The following NUP210L variants were observed in gnomAD, a reference collection of about 807,000 sequenced individuals.
The protein encoded by NUP210L is nucleoporin 210 like, also known as nuclear pore membrane glycoprotein 210-like.
A neutral mutation model predicts 208.5 loss-of-function variants in NUP210L; 74 were observed. That is an observed-to-expected ratio of 0.35 (90% CI 0.29 to 0.43). NUP210L has a LOEUF of 0.43. Ranked by LOEUF, NUP210L falls within the 20% of genes least tolerant of loss-of-function variation. NUP210L has a pLI of 1.00. For missense variants in NUP210L, 1,843 were observed against 2,289.4 expected (o/e 0.81, Z 3.98); for synonymous variants, 780 against 816.9 (o/e 0.95, Z 0.77).
At chr1:154,035,829 G>C (rs763245480) in intron 27 of NUP210L, among the ~76,000 whole-genome samples, 52 of 151,996 alleles carry the variant, frequency 3.4e-4, no homozygotes, top group Non-Finnish European at 5.3e-4. Flanking sequence ...CGCCTTTCAA[G>C]TTCAAGCAAT....
exon 32 of NUP210L, chr1:154,022,244 T>A: frequency 1.9e-6 from 3 of 1,614,142 alleles, no homozygotes; most frequent in Non-Finnish European, 2.5e-6. Flanking sequence ...TGCCTGGATG[T>A]CTCCGGTCCC....
chr1:154,110,521 C>G (rs1557983348), intron 12 of NUP210L, among the ~76,000 whole-genome samples: 1 of 151,306 alleles, frequency 6.6e-6, no homozygotes, highest in Non-Finnish European at 1.5e-5. Flanking sequence ...CCACCTGCCT[C>G]GGCCTCCCAA....
At position 154,136,919 on chromosome 1, in the gene NUP210L, C is replaced by CAAAA. The variant is rs11374907; in HGVS notation, c.851-951_851-948dup. On this transcript the variant is annotated intron_variant, in intron 6 of 39. Coordinates refer to ENST00000368559, the Ensembl canonical transcript of NUP210L. The stretch of plus-strand genomic sequence containing the variant: ...TGGGCGACAGAGTGAGAATCCATCT[C>CAAAA]AAAAAAAAAAAAAAAAAAAAAGCTC... 6.8e-3 allele frequency among the ~76,000 whole-genome samples: 425 copies of CAAAA among 62,390 alleles called. 23 individuals carry two copies. Among genetic ancestry groups the CAAAA allele is most frequent in the East Asian group, 0.062 (85 of 1,360 alleles). 40.9% of individuals were successfully genotyped at this position (62,390 alleles called of 152,430 possible).
At chr1:154,071,526 G>C (rs1465514442) in intron 16 of NUP210L, among the ~76,000 whole-genome samples, 1 of 147,708 alleles carries the variant, frequency 6.8e-6, no homozygotes. Flanking sequence ...CTACTTATGA[G>C]TAAGAGCACA....
chr1:154,136,212 G>A (rs1429020764), intron 6 of NUP210L, among the ~76,000 whole-genome samples: 1 of 152,226 alleles, frequency 6.6e-6, no homozygotes, highest in African/African-American at 2.4e-5. Context: ...AGCACTTTGG[G>A]AGGCCAAGGC....
exon 25 of NUP210L, chr1:154,054,293 C>A: frequency 6.2e-7 from 1 of 1,614,234 alleles, no homozygotes; most frequent in Admixed American, 1.7e-5. Flanking sequence ...TGAACCACAG[C>A]TGTGCCAACA....
intron 2 of NUP210L, among the ~76,000 whole-genome samples, chr1:154,151,164 T>C (rs577602815): frequency 6.6e-6 from 1 of 151,938 alleles, no homozygotes. Context: ...AAATCGCATA[T>C]GTGACCAAAT....
At chr1:154,111,194 C>A (rs1402814309) in intron 12 of NUP210L, among the ~76,000 whole-genome samples, 1 of 151,240 alleles carries the variant, frequency 6.6e-6, no homozygotes, top group Non-Finnish European at 1.5e-5. Context: ...ACCAGCCCGG[C>A]CTACATGGTG....
At chr1:154,108,657 G>A (rs1443421032) in intron 12 of NUP210L, among the ~76,000 whole-genome samples, 1 of 151,544 alleles carries the variant, frequency 6.6e-6, no homozygotes, top group Non-Finnish European at 1.5e-5. Flanking sequence ...AAGGAAGAAG[G>A]CAGGAAGGAA....
At position 154,130,706 on chromosome 1, in the gene NUP210L, C is replaced by T. The variant is rs143594044; in HGVS notation, c.1010-1361G>A. Among the ~76,000 whole-genome samples, 90 of 151,362 alleles carry T rather than the reference C, an allele frequency of 5.9e-4. No homozygotes were observed. In the East Asian group the frequency reaches 0.017, roughly 29 times the overall value. On this transcript the variant is annotated intron_variant, in intron 7 of 39. Coordinates refer to ENST00000368559, the Ensembl canonical transcript of NUP210L. ...TCAAGCGATTCTCCTACCCTCAGGC[C>T]TCTGAGTAACTGGGACTATAGGCCT...
intron 28 of NUP210L, among the ~76,000 whole-genome samples, chr1:154,028,382 T>C (rs1557925461): frequency 6.6e-6 from 1 of 151,978 alleles, no homozygotes. Context: ...AGGTTAGGAG[T>C]TTGAGACCAG....
At chr1:154,029,922 C>T in exon 28 of NUP210L, 1 of 1,609,648 alleles carries the variant, frequency 6.2e-7, no homozygotes, top group Non-Finnish European at 8.5e-7. Context: ...TCAGAGAGTT[C>T]CAACAAATTC....
intron 13 of NUP210L, 75 bp from the exon 14 acceptor site, chr1:154,100,218 G>T: frequency 7.1e-7 from 1 of 1,399,920 alleles, no homozygotes; most frequent in Non-Finnish European, 1.0e-6. Context: ...GGGAGGCCAA[G>T]GCAGGAAGAT....
At chr1:154,034,355 A>G (rs1413861579) in intron 27 of NUP210L, among the ~76,000 whole-genome samples, 1 of 149,064 alleles carries the variant, frequency 6.7e-6, no homozygotes, top group African/African-American at 2.5e-5. Flanking sequence ...TTTGAGATGG[A>G]GTCTCACTCT....
At chr1:154,148,597 A>T (rs1659229969) in intron 2 of NUP210L, among the ~76,000 whole-genome samples, 1 of 152,376 alleles carries the variant, frequency 6.6e-6, no homozygotes, top group Admixed American at 6.5e-5. Context: ...GTGAAACATT[A>T]GAGCAAACTA....
intron 16 of NUP210L, among the ~76,000 whole-genome samples, chr1:154,088,483 A>G (rs1445604878): frequency 6.6e-6 from 1 of 152,234 alleles, no homozygotes; most frequent in Non-Finnish European, 1.5e-5. Context: ...GAAAAATGCC[A>G]TTGAATGACA....
intron 15 of NUP210L, among the ~76,000 whole-genome samples, chr1:154,093,656 A>C (rs1372166292): frequency 6.6e-6 from 1 of 152,138 alleles, no homozygotes; most frequent in African/African-American, 2.4e-5. Context: ...AAATAGAATG[A>C]AGTTCAATGG....
intron 14 of NUP210L, among the ~76,000 whole-genome samples, chr1:154,095,805 G>T (rs1345648169): frequency 2.6e-5 from 4 of 152,116 alleles, no homozygotes; most frequent in Non-Finnish European, 4.4e-5. Flanking sequence ...TATAAGCTAA[G>T]AAGTAGACAA....
chr1:154,125,511 A>G (rs996513999), intron 10 of NUP210L, among the ~76,000 whole-genome samples: 14 of 150,476 alleles, frequency 9.3e-5, no homozygotes, highest in African/African-American at 3.4e-4. Context: ...AGTCCCAGCT[A>G]CTTGGGGGGC....
Sources: gnomAD v4.1 joint callset for allele counts (sites outside exome capture counted in the v4.1 genomes callset) on GRCh38, gnomAD v4.1.1 for gene constraint, MANE v1.5 for transcripts, NCBI Gene and HGNC (gene_info 2026-07-23, HGNC 2026-07-21) for gene names.